Variants in KLHDC4 observed in about 807,000 individuals in gnomAD.
KLHDC4 encodes kelch domain-containing protein 4.
KLHDC4 carries 90 observed loss-of-function variants against 62.4 expected under a neutral mutation model. That is an observed-to-expected ratio of 1.44 (90% CI 1.22 to 1.72). KLHDC4 has a LOEUF of 1.72. KLHDC4 is among the 40% of genes most tolerant of loss of function. The pLI, the probability that KLHDC4 is intolerant of heterozygous loss-of-function variation, is 0.00. For synonymous variants in KLHDC4, 386 were observed against 284.4 expected (o/e 1.36, Z -3.59); for missense variants, 1,025 against 699.7 (o/e 1.47, Z -5.25).
rs564692904 is a variant in KLHDC4, at chr16:87,764,646, CAAAAAAAAAAA to C, written c.99+1135_99+1145del. 4.7e-4 allele frequency among the ~76,000 whole-genome samples: 16 copies of C among 33,838 alleles called. No individual in the cohort carries two copies. The South Asian group carries it at 0.016, about 35-fold the overall frequency. 22.2% of individuals were successfully genotyped at this position (33,838 alleles called of 152,430 possible). ...CTGGGCAACAAGAGTGAAACTCCTT[CAAAAAAAAAAA>C]AAAAAAAAAAAAAAAAAAGCAGAAA... On this transcript the variant is annotated intron_variant, in intron 1 of 11. Coordinates refer to ENST00000270583, the MANE Select transcript of KLHDC4 (RefSeq NM_017566.4).
At chr16:87,700,539 G>GGAGGAAAGAGGGTGGAGGGAGGAGA (rs2034088178) in exon 1 of KLHDC4, 1 of 165,940 alleles carries the variant, frequency 6.0e-6, no homozygotes, top group Non-Finnish European at 1.3e-5. Flanking sequence ...GAGGGAGGAG[G>GGAGGAAAGAGGGTGGAGGGAGGAGA]GCAGAAGAAG....
rs148376585 is a variant in KLHDC4 at position 87,714,085 on chromosome 16, G to A, written c.835+413C>T. On this transcript the variant is annotated intron_variant, in intron 8 of 11. Transcript: ENST00000270583. ...CAGCTGCTGCCCGCAACCACCCCAA[G>A]AGCGAGGCCCGTCACCACAGTGCCA... Among the ~76,000 whole-genome samples, 262 of 152,214 alleles carry A rather than the reference G, an allele frequency of 1.7e-3. 2 individuals carry two copies. Among genetic ancestry groups the A allele is most frequent in the Non-Finnish European group, 1.6e-3 (107 of 68,000 alleles).
chr16:87,709,679 C>T lies in KLHDC4; in HGVS notation c.1045-12G>A. ...TCAGACTTGGGTCCCTATTAATAGA[C>T]CGAGGAAGCAGAGAGCAGCAGCTTC... On this transcript the variant is annotated splice_polypyrimidine_tract_variant and intron_variant, in intron 9 of 11. Coordinates refer to ENST00000270583, the MANE Select transcript of KLHDC4 (RefSeq NM_017566.4). 4 of 1,571,438 alleles carry T rather than the reference C, an allele frequency of 2.5e-6. No homozygotes were observed. Among genetic ancestry groups the T allele is most frequent in the African/African-American group, 2.7e-5 (2 of 74,118 alleles).
At chr16:87,760,145 C>T (rs1025855936) in intron 2 of KLHDC4, among the ~76,000 whole-genome samples, 1 of 151,520 alleles carries the variant, frequency 6.6e-6, no homozygotes, top group Admixed American at 6.6e-5. Context: ...TCCAGCTGAC[C>T]CAGGGAACTG....
chr16:87,730,780 C>T (rs2040207875), intron 5 of KLHDC4, 136 bp from the exon 6 acceptor site: 4 of 708,414 alleles, frequency 5.6e-6, no homozygotes, highest in African/African-American at 1.8e-5. Context: ...AATTAAATAC[C>T]ATTTAATCTG....
chr16:87,755,151 C>T lies in KLHDC4; in HGVS notation c.369+43G>A, dbSNP rs182641931. ...TCTCCGTGTGTCTACCAGACTCCCA[C>T]GTGGGAAGAGGGAGGGTGGCTGAGA... On this transcript the variant is annotated intron_variant, in intron 4 of 11. Coordinates refer to ENST00000270583, the MANE Select transcript of KLHDC4 (RefSeq NM_017566.4). 8.2e-5 allele frequency: 112 copies of T among 1,365,286 alleles called. No homozygotes were observed. In the African/African-American group the frequency reaches 1.1e-3, roughly 13 times the overall value. The allele number at this position is 1,365,286 out of a possible 1,614,324, so 84.6% of individuals were successfully genotyped here.
chr16:87,758,584 T>G (rs2045368643), intron 2 of KLHDC4, among the ~76,000 whole-genome samples: 1 of 152,186 alleles, frequency 6.6e-6, no homozygotes, highest in African/African-American at 2.4e-5. Context: ...GTCTAGACAC[T>G]TCTCCCATCT....
chr16:87,698,784 C>T (rs938032485), exon 1 of KLHDC4: 3 of 152,278 alleles, frequency 2.0e-5, no homozygotes, highest in African/African-American at 2.4e-5. Context: ...CTGACAGGCA[C>T]GCAGTCCCTC....
chr16:87,741,052 C>T (rs561605653), intron 5 of KLHDC4: 2 of 152,274 alleles, frequency 1.3e-5, no homozygotes, highest in South Asian at 2.1e-4. Context: ...TGCCATTACC[C>T]CCCTCATTTC....
chr16:87,704,428 ACGGGGAAGGAGGCGCC>A (rs2034416404), downstream of KLHDC4, among the ~76,000 whole-genome samples: 2 of 81,022 alleles, frequency 2.5e-5, no homozygotes, highest in African/African-American at 6.7e-5. Context: ...CCTGAACGTC[ACGGGGAAGGAGGCGCC>A]TGGGGAGGGT....
intron 7 of KLHDC4, among the ~76,000 whole-genome samples, chr16:87,720,726 G>A (rs951274553): frequency 4.6e-5 from 7 of 152,224 alleles, no homozygotes; most frequent in Non-Finnish European, 8.8e-5. Context: ...TGTCGGTTAC[G>A]GTTAGCATCA....
At chr16:87,714,294 C>T in intron 8 of KLHDC4, 1 of 773,584 alleles carries the variant, frequency 1.3e-6, no homozygotes, top group Non-Finnish European at 1.6e-6. Context: ...ATCAATGCCC[C>T]CAAAGGTGAT....
At position 87,733,432 on chromosome 16, in the gene KLHDC4, A is replaced by T. The variant is rs1457104458; in HGVS notation, c.507-2788T>A. Among the ~76,000 whole-genome samples, 7 of 152,306 alleles carry T rather than the reference A, an allele frequency of 4.6e-5. No individual in the cohort carries two copies. The East Asian group carries it at 1.4e-3, about 29-fold the overall frequency. ...GCACAGAGGAGGCGGGGCACACAGG[A>T]ATGGCTTTGGGCTGCAACATCAGGC... On this transcript the variant is annotated intron_variant, in intron 5 of 11. Transcript: ENST00000270583.
chr16:87,741,931 G>A (rs939160872), intron 5 of KLHDC4, among the ~76,000 whole-genome samples: 11 of 152,270 alleles, frequency 7.2e-5, no homozygotes, highest in South Asian at 2.1e-4. Flanking sequence ...CGCCTATTCC[G>A]TTTCCTGATG....
chr16:87,725,175 G>T lies in KLHDC4; in HGVS notation c.759+1590C>A, dbSNP rs116502032. Among the ~76,000 whole-genome samples, 690 of 152,296 alleles carry T rather than the reference G, an allele frequency of 4.5e-3. 5 individuals are homozygous for T. The highest frequency in any genetic ancestry group is 0.013 in the African/African-American group (559 of 41,542). On this transcript the variant is annotated intron_variant, in intron 7 of 11. Transcript: ENST00000270583. ...AGAGCAGCGTCACCTCTGGGCGGAGGGGAGGGTGGGCAGCGGGGCCGAGTG... is the reference window on the plus strand; with the variant it reads ...AGAGCAGCGTCACCTCTGGGCGGAGTGGAGGGTGGGCAGCGGGGCCGAGTG...
chr16:87,748,528 C>T (rs2043390922), intron 5 of KLHDC4, 145 bp downstream of exon 5: 5 of 1,048,928 alleles, frequency 4.8e-6, no homozygotes, highest in Non-Finnish European at 7.0e-6. Flanking sequence ...TGTGGTCTCC[C>T]AGGACCCAGC....
chr16:87,760,942 AG>A (rs746459740), intron 2 of KLHDC4, among the ~76,000 whole-genome samples: 7 of 152,060 alleles, frequency 4.6e-5, no homozygotes, highest in Non-Finnish European at 8.8e-5. Context: ...CTGAGGCAGG[AG>A]AATCACTTGA....
chr16:87,707,737 G>GC, downstream of KLHDC4: 1 of 306,426 alleles, frequency 3.3e-6, no homozygotes, highest in South Asian at 2.8e-5. Flanking sequence ...CCTAGGCCCA[G>GC]CCCTGGCCCG....
rs752662895 is a variant in KLHDC4, at chr16:87,708,514, G to C, written c.1448-48C>G. 6.1e-5 allele frequency: 88 copies of C among 1,451,692 alleles called. No homozygotes were observed. In the South Asian group the frequency reaches 1.1e-3, roughly 18 times the overall value. The allele number at this position is 1,451,692 out of a possible 1,614,324, so 89.9% of individuals were successfully genotyped here. On this transcript the variant is annotated intron_variant, in intron 10 of 11. Transcript: ENST00000270583. ...CATACACGTCAGCGCAGCTGAGGCA[G>C]GTGGGGGAGGCTGCGGGACGGTGGT... is the stretch of plus-strand genomic sequence containing the variant.
Sources: gnomAD v4.1 joint callset for allele counts (sites outside exome capture counted in the v4.1 genomes callset) on GRCh38, gnomAD v4.1.1 for gene constraint, MANE v1.5 for transcripts, NCBI Gene and HGNC (gene_info 2026-07-23, HGNC 2026-07-21) for gene names.